Variants in PPM1B observed in about 807,000 individuals in gnomAD.
PPM1B encodes the protein protein phosphatase 1B.
In PPM1B, 22 loss-of-function variants were observed where a neutral mutation model predicts 43.0. The ratio of observed to expected loss-of-function variants is 0.51; its 90% CI spans 0.37 to 0.73. The LOEUF is 0.73. Among genes scored for constraint, PPM1B ranks in the 30% least tolerant of loss-of-function variants. The pLI is 0.00. For synonymous variants in PPM1B, 217 were observed against 197.9 expected, an observed-to-expected ratio of 1.10 and a Z score of -0.81; for missense variants, 632 against 584.2, an observed-to-expected ratio of 1.08 and a Z score of -0.84.
intron 3 of PPM1B, among the ~76,000 whole-genome samples, chr2:44,212,567 T>C (rs1361641583): frequency 6.6e-6 from 1 of 152,212 alleles, no homozygotes; most frequent in Non-Finnish European, 1.5e-5. Context: ...CTAGTCTGTT[T>C]ATCTTTAACA....
At chr2:44,245,685 G>T (rs1670841705), downstream of PPM1B, among the ~76,000 whole-genome samples, 1 of 152,132 alleles carries the variant, frequency 6.6e-6, no homozygotes, top group South Asian at 2.1e-4. Context: ...GCTTCACTTA[G>T]ATCAGATGAC....
downstream of PPM1B, among the ~76,000 whole-genome samples, chr2:44,244,820 G>GATAGATATATATATATATATATATAT (rs1553339292): frequency 6.2e-5 from 8 of 129,916 alleles, no homozygotes; most frequent in African/African-American, 2.3e-4. Context: ...AATTACTTGA[G>GATAGATATATATATATATATATATAT]ATATATATAT....
chr2:44,202,736 A>C (rs1187522756), intron 2 of PPM1B, among the ~76,000 whole-genome samples: 3 of 152,322 alleles, frequency 2.0e-5, no homozygotes, highest in African/African-American at 7.2e-5. Context: ...CCTGTGGAAC[A>C]CTAAAGTTTA....
chr2:44,224,599 T>C (rs1572751165), intron 5 of PPM1B, among the ~76,000 whole-genome samples: 1 of 152,254 alleles, frequency 6.6e-6, no homozygotes, highest in African/African-American at 2.4e-5. Flanking sequence ...TACTCTCTGC[T>C]TGATTTATCT....
intron 5 of PPM1B, among the ~76,000 whole-genome samples, chr2:44,242,750 C>T (rs1046689816): frequency 2.0e-5 from 3 of 150,936 alleles, no homozygotes; most frequent in Non-Finnish European, 4.4e-5. Flanking sequence ...TAAGCCTGCT[C>T]ACACATGTTA....
chr2:44,190,155 A>AT lies in PPM1B; in HGVS notation c.-14-11011dup, dbSNP rs35252924. Among the ~76,000 whole-genome samples the AT allele has an allele frequency of 5.0e-3, 560 of 112,036 alleles. 9 individuals are homozygous for AT. The highest frequency in any genetic ancestry group is 0.013 in the African/African-American group (408 of 31,772). The allele number at this position is 112,036 out of a possible 152,430, so 73.5% of individuals were successfully genotyped here. The stretch of plus-strand genomic sequence containing the variant: ...TAGTAGAGAAATTTGAGTTTATTTG[A>AT]TTTTTTTTTTTTTTTTTTTTGAGAC... On this transcript the variant is annotated intron_variant, in intron 1 of 5. Coordinates refer to ENST00000282412, the MANE Select transcript of PPM1B (RefSeq NM_002706.6).
intron 1 of PPM1B, among the ~76,000 whole-genome samples, chr2:44,191,204 TTTTA>T (rs1196369391): frequency 3.3e-5 from 5 of 152,128 alleles, no homozygotes; most frequent in East Asian, 1.9e-4. Context: ...GCTTTGTAAA[TTTTA>T]TTTGTTTTTG....
At chr2:44,186,882 A>G (rs778121489) in intron 1 of PPM1B, among the ~76,000 whole-genome samples, 1 of 152,232 alleles carries the variant, frequency 6.6e-6, no homozygotes, top group Admixed American at 6.5e-5. Flanking sequence ...ATTTAATTGT[A>G]GTACAAAAAG....
At chr2:44,209,461 A>G in intron 3 of PPM1B, 134 bp downstream of exon 3, 3 of 986,906 alleles carry the variant, frequency 3.0e-6, no homozygotes, top group Non-Finnish European at 4.3e-6. Flanking sequence ...GAGGGAAAGT[A>G]TTCTTTTTGT....
chr2:44,194,446 G>A (rs193206108), intron 1 of PPM1B, among the ~76,000 whole-genome samples: 314 of 152,246 alleles, frequency 2.1e-3, no homozygotes, highest in African/African-American at 7.3e-3. Context: ...TGAGCAGGCC[G>A]GGCGTGTTGG....
chr2:44,213,278 A>T (rs578092326), intron 3 of PPM1B, among the ~76,000 whole-genome samples: 1 of 151,552 alleles, frequency 6.6e-6, no homozygotes, highest in South Asian at 2.1e-4. Context: ...TATCATACCA[A>T]GCTCTTCCAC....
At chr2:44,239,367 T>C (rs1670697490), downstream of PPM1B, among the ~76,000 whole-genome samples, 1 of 152,074 alleles carries the variant, frequency 6.6e-6, no homozygotes. Flanking sequence ...CTAATTGATT[T>C]GTCTTTTTCT....
chr2:44,235,577 T>G (rs1670586262), downstream of PPM1B, among the ~76,000 whole-genome samples: 1 of 123,166 alleles, frequency 8.1e-6, no homozygotes, highest in Non-Finnish European at 1.6e-5. Context: ...CACTCCAGCC[T>G]GGGCAACAAA....
At chr2:44,198,136 C>T (rs1668750492) in intron 1 of PPM1B, among the ~76,000 whole-genome samples, 3 of 151,956 alleles carry the variant, frequency 2.0e-5, no homozygotes, top group East Asian at 1.9e-4. Flanking sequence ...AGTATTTGGT[C>T]GTCTTTTCTT....
downstream of PPM1B, chr2:44,233,707 C>G (rs1217950901): frequency 1.0e-5 from 10 of 985,734 alleles, no homozygotes; most frequent in Non-Finnish European, 1.1e-5. Flanking sequence ...GAAGCTGTTT[C>G]TGGAGAGCCA....
Position 44,201,758 on chromosome 2 carries a change from G to A in PPM1B, c.559G>A (p.Val187Met), listed in dbSNP as rs1255542646. Residue 187 changes from valine to methionine, a missense_variant, in exon 2 of 6, where the codon GTG (valine) becomes ATG (methionine). This residue lies in a region of PPM1B where 40 missense variants were observed against 80.8 expected (regional missense o/e 0.50). Transcript: ENST00000282412. This position sits in a 1 kb window ranked among gnomAD's most constrained non-coding sequence, Gnocchi z 5.4. ...GCGAATCCAAAATGCAGGAGGCAGC[G>A]TGATGATACAACGTGTTAATGGTTC... is the stretch of plus-strand genomic sequence containing the variant. ...KERIQNAGGS[V>M]MIQRVNGSLA... 2.5e-6 allele frequency: 4 copies of A among 1,614,210 alleles called. No homozygotes were observed. Among genetic ancestry groups the A allele is most frequent in the Non-Finnish European group, 3.4e-6 (4 of 1,180,028 alleles).
At chr2:44,210,702 T>C (rs1344920470) in intron 3 of PPM1B, among the ~76,000 whole-genome samples, 1 of 152,090 alleles carries the variant, frequency 6.6e-6, no homozygotes, top group African/African-American at 2.4e-5. Flanking sequence ...TCTCCACCTC[T>C]CTCTCCTCTT....
chr2:44,225,204 C>T (rs886503658), intron 5 of PPM1B, among the ~76,000 whole-genome samples: 6 of 152,042 alleles, frequency 3.9e-5, no homozygotes, highest in African/African-American at 1.5e-4. Flanking sequence ...TTTTTCCTTC[C>T]TTAGATGGTA....
chr2:44,172,414 G>T (rs1156948844), intron 1 of PPM1B, among the ~76,000 whole-genome samples: 2 of 152,146 alleles, frequency 1.3e-5, no homozygotes, highest in Non-Finnish European at 2.9e-5. Flanking sequence ...TTTGTAGTTG[G>T]CTGTCATAAA....
Sources: gnomAD v4.1 joint callset for allele counts (sites outside exome capture counted in the v4.1 genomes callset) on GRCh38, gnomAD v4.1.1 for gene constraint, gnomAD v4.1.1 regional missense constraint, Gnocchi (gnomAD v3.1) non-coding constraint, MANE v1.5 for transcripts, NCBI Gene and HGNC (gene_info 2026-07-23, HGNC 2026-07-21) for gene names.